MSRB3: variants seen among roughly 807,000 people sequenced by gnomAD.
The protein encoded by MSRB3 is methionine-R-sulfoxide reductase B3.
Under a neutral mutation model 21.0 loss-of-function variants are expected in MSRB3, and 13 were observed. The observed-to-expected ratio is 0.62, with a 90% CI of 0.40 to 0.98. The LOEUF is 0.98. Among genes scored for constraint, MSRB3 ranks in the 50% least tolerant of loss-of-function variants. The probability of loss-of-function intolerance (pLI) is 0.00; values close to 1 mark genes in which losing one functional copy is unlikely to be tolerated. For missense variants in MSRB3, 199 were observed against 230.3 expected, an observed-to-expected ratio of 0.86 and a Z score of 0.88; for synonymous variants, 87 against 88.6, an observed-to-expected ratio of 0.98 and a Z score of 0.10.
intron 4 of MSRB3, among the ~76,000 whole-genome samples, chr12:65,353,246 T>C (rs1168471476): frequency 6.6e-6 from 1 of 152,174 alleles, no homozygotes; most frequent in African/African-American, 2.4e-5. Flanking sequence ...TAGGTCCACC[T>C]GTTGCAGAGC....
chr12:65,326,428 G>A (rs1475977810), intron 2 of MSRB3, among the ~76,000 whole-genome samples: 6 of 151,898 alleles, frequency 4.0e-5, no homozygotes, highest in South Asian at 4.1e-4. Context: ...GCAGACTTAC[G>A]GTTTAACATA....
intron 1 of MSRB3, among the ~76,000 whole-genome samples, chr12:65,289,156 G>C (rs1374225556): frequency 1.3e-5 from 2 of 152,144 alleles, no homozygotes; most frequent in African/African-American, 4.8e-5. Flanking sequence ...ATAGATGTAT[G>C]TCTCTATATC....
chr12:65,336,566 T>G (rs1875776520), intron 4 of MSRB3, among the ~76,000 whole-genome samples: 2 of 152,214 alleles, frequency 1.3e-5, no homozygotes, highest in Admixed American at 1.3e-4. Flanking sequence ...TTTTTCACAG[T>G]GAATTAGAAT....
intron 4 of MSRB3, among the ~76,000 whole-genome samples, chr12:65,367,652 T>C (rs1396811606): frequency 1.3e-5 from 2 of 151,924 alleles, no homozygotes; most frequent in Non-Finnish European, 2.9e-5. Context: ...TAAGAGATGG[T>C]GGAAACACAG....
At chr12:65,419,161 G>A in intron 5 of MSRB3, 1 of 686,104 alleles carries the variant, frequency 1.5e-6, no homozygotes, top group East Asian at 2.6e-5. Flanking sequence ...TCCAACCTTG[G>A]CCAACTGCAT....
intron 5 of MSRB3, among the ~76,000 whole-genome samples, chr12:65,432,364 T>A (rs1256846009): frequency 1.3e-5 from 2 of 152,052 alleles, no homozygotes; most frequent in Middle Eastern, 6.8e-3. Flanking sequence ...ACAGGACTGT[T>A]TTGTGGCAAG....
chr12:65,347,843 C>T (rs539773629), intron 4 of MSRB3, among the ~76,000 whole-genome samples: 12 of 152,226 alleles, frequency 7.9e-5, no homozygotes, highest in African/African-American at 2.6e-4. Flanking sequence ...TTGAGATAAT[C>T]ATGTGGTTTT....
At chr12:65,395,042 C>A (rs890059920) in intron 5 of MSRB3, among the ~76,000 whole-genome samples, 1 of 151,882 alleles carries the variant, frequency 6.6e-6, no homozygotes, top group African/African-American at 2.4e-5. Context: ...GCTGATGGTT[C>A]TAGCCAATTA....
At chr12:65,369,892 T>C (rs2136535038) in intron 5 of MSRB3, among the ~76,000 whole-genome samples, 1 of 152,302 alleles carries the variant, frequency 6.6e-6, no homozygotes, top group South Asian at 2.1e-4. Flanking sequence ...ATGGTAACTT[T>C]AAAAATGTTT....
At position 65,339,432 on chromosome 12, in the gene MSRB3, T is replaced by C. The variant is rs568312550; in HGVS notation, c.263+10829T>C. Reference sequence around the variant, plus strand: ...TAGCTCTAAATCAACAAATAATAAATCAAACACTGACTTTTAGTATTTTCT... The same window carrying C: ...TAGCTCTAAATCAACAAATAATAAACCAAACACTGACTTTTAGTATTTTCT... On this transcript the variant is annotated intron_variant, in intron 4 of 6. Coordinates refer to ENST00000308259, the MANE Select transcript of MSRB3 (RefSeq NM_001031679.3). Among the ~76,000 whole-genome samples, 307 of 152,302 alleles carry C rather than the reference T, an allele frequency of 2.0e-3. 2 individuals are homozygous for C. The highest frequency in any genetic ancestry group is 6.9e-3 in the African/African-American group (287 of 41,566).
intron 5 of MSRB3, among the ~76,000 whole-genome samples, chr12:65,435,662 G>T (rs933058157): frequency 1.3e-5 from 2 of 151,872 alleles, no homozygotes; most frequent in Non-Finnish European, 2.9e-5. Flanking sequence ...CACTTTGAAA[G>T]ATTTTGATAA....
At chr12:65,435,122 T>A (rs1425523523) in intron 5 of MSRB3, among the ~76,000 whole-genome samples, 1 of 151,852 alleles carries the variant, frequency 6.6e-6, no homozygotes, top group Non-Finnish European at 1.5e-5. Flanking sequence ...CTGAAAGAGT[T>A]GTGATGCCAT....
chr12:65,443,387 A>G (rs577992127), intron 5 of MSRB3, among the ~76,000 whole-genome samples: 1 of 152,246 alleles, frequency 6.6e-6, no homozygotes, highest in Non-Finnish European at 1.5e-5. Context: ...GAAATGCACT[A>G]TTTTTGATAG....
intron 2 of MSRB3, among the ~76,000 whole-genome samples, chr12:65,313,624 C>T (rs890870802): frequency 3.0e-4 from 46 of 152,082 alleles, no homozygotes; most frequent in African/African-American, 1.1e-3. Flanking sequence ...TGAACCCAAT[C>T]TAAAACTCGG....
At position 65,316,934 on chromosome 12, in the gene MSRB3, G is replaced by C. The variant is rs145550597; in HGVS notation, c.76+8279G>C. On this transcript the variant is annotated intron_variant, in intron 2 of 6. Transcript: ENST00000308259. ...ATGTAATTAGTGGGAGGTGGTAGGA[G>C]TGGAGGATGAGAAGATGGGGGTAGG... Among the ~76,000 whole-genome samples the C allele has an allele frequency of 3.2e-4, 49 of 151,512 alleles. No individual in the cohort carries two copies. In the East Asian group the frequency reaches 9.0e-3, roughly 28 times the overall value.
chr12:65,308,589 T>C lies in MSRB3; in HGVS notation c.10T>C (p.Phe4Leu). The part of the protein sequence containing the change: MSA[F>L]NLLHLVTKSQ... ...TGAAGATATCACAGTGATGTCTGCA[T>C]TCAACCTGCTGCATTTGGTGACAAA... Residue 4 changes from phenylalanine (F) to leucine (L), a missense_variant, in exon 2 of 7, where the codon TTC (phenylalanine) becomes CTC (leucine). Transcript: ENST00000308259. The C allele has an allele frequency of 1.9e-6, 3 of 1,613,966 alleles. No individual in the cohort carries two copies. The highest frequency in any genetic ancestry group is 1.7e-5 in the Admixed American group (1 of 59,998).
intron 4 of MSRB3, among the ~76,000 whole-genome samples, chr12:65,333,101 A>C (rs949921604): frequency 2.0e-5 from 3 of 152,248 alleles, no homozygotes; most frequent in African/African-American, 7.2e-5. Flanking sequence ...AACCAAAGAA[A>C]ACACTGGGAA....
At chr12:65,461,409 G>T (rs747855502) in intron 6 of MSRB3, among the ~76,000 whole-genome samples, 1 of 152,158 alleles carries the variant, frequency 6.6e-6, no homozygotes, top group African/African-American at 2.4e-5. Context: ...AATAATACAA[G>T]ATTTGTTTTT....
intron 5 of MSRB3, among the ~76,000 whole-genome samples, chr12:65,381,953 T>C (rs895909093): frequency 6.6e-6 from 1 of 152,090 alleles, no homozygotes; most frequent in African/African-American, 2.4e-5. Flanking sequence ...ATTTAAGATG[T>C]ATAATTGACA....
Sources: gnomAD v4.1 joint callset for allele counts (sites outside exome capture counted in the v4.1 genomes callset) on GRCh38, gnomAD v4.1.1 for gene constraint, MANE v1.5 for transcripts, NCBI Gene and HGNC (gene_info 2026-07-23, HGNC 2026-07-21) for gene names.